The following MAPK10 variants were observed in gnomAD, a reference collection of about 807,000 sequenced individuals.
MAPK10 encodes mitogen-activated protein kinase 10, also known as JNK3 alpha protein kinase.
MAPK10 carries 25 observed loss-of-function variants against 59.3 expected under a neutral mutation model. That is an observed-to-expected ratio of 0.42 (90% confidence interval 0.31 to 0.59). The LOEUF is 0.59. Among genes scored for constraint, MAPK10 ranks in the 20% least tolerant of loss-of-function variants. The probability of loss-of-function intolerance (pLI) is 0.15; values close to 1 mark genes in which losing one functional copy is unlikely to be tolerated. For missense variants in MAPK10, 351 were observed against 568.9 expected (o/e 0.62, Z 3.90); for synonymous variants, 190 against 200.5 (o/e 0.95, Z 0.44).
At chr4:86,041,077 C>A (rs1200540433) in intron 11 of MAPK10, 1 of 152,000 alleles carries the variant, frequency 6.6e-6, no homozygotes, top group Non-Finnish European at 1.5e-5. Flanking sequence ...CTCACAACAC[C>A]CTAATACTGT....
intron 2 of MAPK10, among the ~76,000 whole-genome samples, chr4:86,290,269 A>G (rs964162402): frequency 1.3e-5 from 2 of 152,232 alleles, no homozygotes; most frequent in African/African-American, 4.8e-5. Context: ...GTGGTAGCAG[A>G]GTGATCTACT....
chr4:86,504,691 T>G (rs1364975953), intron 1 of MAPK10, among the ~76,000 whole-genome samples: 1 of 152,152 alleles, frequency 6.6e-6, no homozygotes, highest in Non-Finnish European at 1.5e-5. Context: ...CAAAACTTTT[T>G]CCTGCCCTCC....
chr4:86,526,993 G>C (rs1757510414), intron 1 of MAPK10, among the ~76,000 whole-genome samples: 1 of 152,004 alleles, frequency 6.6e-6, no homozygotes, highest in Admixed American at 6.6e-5. Context: ...GGTCAATCTT[G>C]GAGTAGGTTC....
In MAPK10 at chr4:86,429,412, G is replaced by GAC. The variant is rs374340341; in HGVS notation, c.-122+23617_-122+23618insGT. ...GGCAAGTCCTAATATTATTAAAAAAGATTACTGAGCAGAGAAGCACAGAGA... is the reference window on the plus strand; with the variant it reads ...GGCAAGTCCTAATATTATTAAAAAAGACATTACTGAGCAGAGAAGCACAGAGA... On this transcript the variant is annotated intron_variant, in intron 1 of 13. Coordinates refer to the MAPK10 transcript ENST00000361569. 6.1e-3 allele frequency among the ~76,000 whole-genome samples: 921 copies of GAC among 152,200 alleles called. 7 individuals carry two copies. Among genetic ancestry groups the GAC allele is most frequent in the African/African-American group, 0.02 (823 of 41,540 alleles).
intron 9 of MAPK10, among the ~76,000 whole-genome samples, chr4:86,085,272 T>G (rs1200030376): frequency 1.3e-5 from 2 of 152,244 alleles, no homozygotes; most frequent in African/African-American, 4.8e-5. Context: ...TAAAAACTTC[T>G]GCACAGCAAA....
At chr4:86,177,625 T>G (rs1229542157) in intron 3 of MAPK10, among the ~76,000 whole-genome samples, 1 of 152,070 alleles carries the variant, frequency 6.6e-6, no homozygotes, top group East Asian at 1.9e-4. Context: ...ATGCTAGTAA[T>G]CTCAACATAT....
intron 2 of MAPK10, among the ~76,000 whole-genome samples, chr4:86,200,993 T>C (rs1197291448): frequency 6.6e-6 from 1 of 151,898 alleles, no homozygotes; most frequent in African/African-American, 2.4e-5. Flanking sequence ...CCCTCTTTAC[T>C]CCTTTCTCTC....
chr4:86,159,484 C>G lies in MAPK10; in HGVS notation c.67-17G>C. 1 of 1,603,150 alleles carries G rather than the reference C, an allele frequency of 6.2e-7. No individual in the cohort carries two copies. The highest frequency in any genetic ancestry group is 2.2e-5 in the East Asian group (1 of 44,556). On this transcript the variant is annotated splice_polypyrimidine_tract_variant and intron_variant, in intron 3 of 13. Coordinates refer to ENST00000641462, the MANE Select transcript of MAPK10 (RefSeq NM_138982.4). Reference sequence around the variant, plus strand: ...ATCGAATCCCTGTCAAAAAGAAGAACAGCAAAAACATGAGGCAAGTGAACA... The same window carrying G: ...ATCGAATCCCTGTCAAAAAGAAGAAGAGCAAAAACATGAGGCAAGTGAACA...
intron 4 of MAPK10, among the ~76,000 whole-genome samples, chr4:86,126,798 T>C (rs1270754788): frequency 6.6e-6 from 1 of 152,040 alleles, no homozygotes; most frequent in East Asian, 1.9e-4. Flanking sequence ...TCCTCCAATC[T>C]ATTGTTCAAA....
chr4:86,502,385 T>C (rs376667211), intron 1 of MAPK10, among the ~76,000 whole-genome samples: 9 of 152,132 alleles, frequency 5.9e-5, no homozygotes, highest in Admixed American at 4.6e-4. Context: ...ATTTCTTGCT[T>C]GGATTTCTTG....
At chr4:86,049,915 C>T (rs576135635) in intron 11 of MAPK10, among the ~76,000 whole-genome samples, 9 of 152,120 alleles carry the variant, frequency 5.9e-5, no homozygotes, top group Non-Finnish European at 1.3e-4. Context: ...TCTGTTCCCC[C>T]AAGCCTGCAG....
chr4:86,143,225 G>T (rs763125500), intron 4 of MAPK10, among the ~76,000 whole-genome samples: 6 of 152,172 alleles, frequency 3.9e-5, no homozygotes, highest in Non-Finnish European at 8.8e-5. Context: ...GGGGGAAAAT[G>T]TCCCCATGAT....
At chr4:86,223,470 A>G (rs1050622984) in intron 2 of MAPK10, among the ~76,000 whole-genome samples, 2 of 152,192 alleles carry the variant, frequency 1.3e-5, no homozygotes, top group African/African-American at 2.4e-5. Flanking sequence ...CTCTCCTGAG[A>G]ATGGAGGCTC....
At chr4:86,320,487 A>T (rs936469958) in intron 2 of MAPK10, among the ~76,000 whole-genome samples, 3 of 152,222 alleles carry the variant, frequency 2.0e-5, no homozygotes, top group Non-Finnish European at 2.9e-5. Flanking sequence ...AATGGTATCA[A>T]TGACTTAGAA....
chr4:86,194,027 G>T, intron 3 of MAPK10: 1 of 309,876 alleles, frequency 3.2e-6, no homozygotes, highest in Non-Finnish European at 6.0e-6. Flanking sequence ...TGCACTTCCT[G>T]GGTGAGGCGA....
At chr4:86,473,171 G>C (rs1295978276) in intron 1 of MAPK10, among the ~76,000 whole-genome samples, 1 of 152,020 alleles carries the variant, frequency 6.6e-6, no homozygotes, top group African/African-American at 2.4e-5. Context: ...TTCTATTTAG[G>C]ACCTGCAAAA....
At chr4:86,175,402 G>A (rs898517138) in intron 3 of MAPK10, among the ~76,000 whole-genome samples, 1 of 152,136 alleles carries the variant, frequency 6.6e-6, no homozygotes, top group African/African-American at 2.4e-5. Flanking sequence ...GTTTTGATCT[G>A]TATGTCTACC....
At chr4:86,393,736 A>C (rs1180829915) in intron 1 of MAPK10, among the ~76,000 whole-genome samples, 1 of 152,186 alleles carries the variant, frequency 6.6e-6, no homozygotes, top group African/African-American at 2.4e-5. Context: ...TAGAATAATA[A>C]AAAATGAAAG....
chr4:86,146,642 G>C (rs142045171), intron 4 of MAPK10, among the ~76,000 whole-genome samples: 1 of 152,154 alleles, frequency 6.6e-6, no homozygotes, highest in Non-Finnish European at 1.5e-5. Context: ...GCCCTTACAC[G>C]TTACAAGATG....
Sources: allele counts gnomAD v4.1 joint callset (sites outside exome capture counted in the v4.1 genomes callset), GRCh38; gene constraint gnomAD v4.1.1; transcripts MANE v1.5; gene names NCBI Gene and HGNC (gene_info 2026-07-23, HGNC 2026-07-21).